RRM1: variants seen among roughly 807,000 people sequenced by gnomAD.
RRM1 encodes the protein ribonucleoside-diphosphate reductase large subunit.
RRM1 carries 19 observed loss-of-function variants against 101.5 expected under a neutral mutation model. The observed-to-expected ratio is 0.19, with a 90% CI of 0.13 to 0.27. RRM1 has a LOEUF of 0.27. Among genes scored for constraint, RRM1 ranks in the 10% least tolerant of loss-of-function variants. The pLI is 1.00. For missense variants in RRM1, 500 were observed against 962.9 expected (o/e 0.52, Z 6.36); for synonymous variants, 298 against 323.4 (o/e 0.92, Z 0.84).
In RRM1 at chr11:4,132,542, A is replaced by C; in HGVS notation, c.1905+121A>C. 1.2e-6 allele frequency: 1 copy of C among 823,030 alleles called. No homozygotes were observed. Among genetic ancestry groups the C allele is most frequent in the South Asian group, 1.7e-5 (1 of 57,362 alleles). 51.0% of individuals were successfully genotyped at this position (823,030 alleles called of 1,614,324 possible). The stretch of plus-strand genomic sequence containing the variant: ...TTTGGGTGCAAACTTTGATAAAGAC[A>C]GTCATCTTCATCTCTAATATTATTA... On this transcript the variant is annotated intron_variant, in intron 16 of 18. Coordinates refer to ENST00000300738, the MANE Select transcript of RRM1 (RefSeq NM_001033.5). This position sits in a 1 kb window ranked among gnomAD's most constrained non-coding sequence, Gnocchi z 4.1.
chr11:4,107,728 C>T lies in RRM1; in HGVS notation c.387+193C>T, dbSNP rs113712729. The stretch of plus-strand genomic sequence containing the variant: ...TTTTTCCAGAGCTATTTTGTACATA[C>T]GTGTGTGCATACATGTGTATGTGTG... On this transcript the variant is annotated intron_variant, in intron 4 of 18. Transcript: ENST00000300738. Among the ~76,000 whole-genome samples, 954 of 152,124 alleles carry T rather than the reference C, an allele frequency of 6.3e-3. 3 individuals are homozygous for T. Among genetic ancestry groups the T allele is most frequent in the African/African-American group, 0.022 (894 of 41,518 alleles).
At chr11:4,107,043 A>C (rs2094559232) in intron 3 of RRM1, among the ~76,000 whole-genome samples, 1 of 151,986 alleles carries the variant, frequency 6.6e-6, no homozygotes, top group African/African-American at 2.4e-5. Context: ...ACAGGCTCCC[A>C]TCACCACGCC....
intron 7 of RRM1, among the ~76,000 whole-genome samples, chr11:4,115,211 C>T (rs141801692): frequency 3.3e-5 from 5 of 151,988 alleles, no homozygotes; most frequent in Non-Finnish European, 7.4e-5. Context: ...AATGTCAGGT[C>T]GAAATTCCTG....
At chr11:4,094,754 G>C, upstream of RRM1, 1 of 575,042 alleles carries the variant, frequency 1.7e-6, no homozygotes. Context: ...CCTACCCCGG[G>C]CGTGGGCCGC....
At chr11:4,122,523 C>CT (rs2094583295) in intron 11 of RRM1, among the ~76,000 whole-genome samples, 1 of 152,070 alleles carries the variant, frequency 6.6e-6, no homozygotes, top group Non-Finnish European at 1.5e-5. Flanking sequence ...ATAAGCTATG[C>CT]TTTATGTTGC....
Position 4,123,282 on chromosome 11 carries a change from C to T in RRM1, c.1218C>T (p.Leu406=), listed in dbSNP as rs755614615. 1.9e-6 allele frequency: 3 copies of T among 1,614,114 alleles called. No individual in the cohort carries two copies. The highest frequency in any genetic ancestry group is 2.5e-6 in the Non-Finnish European group (3 of 1,179,998). ...CGGAAACAGGCACCCCGTATATGCTCTACAAAGATTCCTGTAATCGAAAGA... is the reference window on the plus strand; with the variant it reads ...CGGAAACAGGCACCCCGTATATGCTTTACAAAGATTCCTGTAATCGAAAGA... ...SQTETGTPYM[L]YKDSCNRKSN... Residue 406 remains leucine, a synonymous_variant, in exon 12 of 19, where the codon CTC becomes CTT. Coordinates refer to ENST00000300738, the MANE Select transcript of RRM1 (RefSeq NM_001033.5).
intron 3 of RRM1, among the ~76,000 whole-genome samples, chr11:4,107,136 C>T (rs1451869213): frequency 6.6e-6 from 1 of 152,222 alleles, no homozygotes; most frequent in East Asian, 1.9e-4. Context: ...TCGTGATCCA[C>T]CCGCCTCGGC....
intron 14 of RRM1, 45 bp downstream of exon 14, chr11:4,127,301 T>A (rs1222708577): frequency 1.6e-6 from 2 of 1,235,086 alleles, no homozygotes; most frequent in Non-Finnish European, 2.2e-6. Flanking sequence ...GTACCTGTAG[T>A]GGGCTGAATG....
intron 9 of RRM1, among the ~76,000 whole-genome samples, chr11:4,120,875 C>T (rs767957816): frequency 8.6e-5 from 13 of 151,988 alleles, no homozygotes; most frequent in Non-Finnish European, 1.3e-4. Flanking sequence ...AAAAATTAAC[C>T]GGGTGTGGTG....
intron 2 of RRM1, among the ~76,000 whole-genome samples, chr11:4,104,763 G>T (rs2094556166): frequency 6.6e-6 from 1 of 152,264 alleles, no homozygotes. Context: ...GGGGGCGGAG[G>T]TTGCACTTTG....
intron 2 of RRM1, 73 bp downstream of exon 2, chr11:4,102,154 C>A: frequency 1.3e-6 from 1 of 773,126 alleles, no homozygotes; most frequent in Non-Finnish European, 2.3e-6. Context: ...TATCCCTGGA[C>A]CTTCATTCAC....
At chr11:4,101,262 G>A (rs750325255) in intron 1 of RRM1, among the ~76,000 whole-genome samples, 1 of 151,678 alleles carries the variant, frequency 6.6e-6, no homozygotes, top group Non-Finnish European at 1.5e-5. Flanking sequence ...TGGGAGAGTT[G>A]GAGGTGAAAT....
intron 7 of RRM1, among the ~76,000 whole-genome samples, chr11:4,117,736 A>G (rs980844003): frequency 2.6e-5 from 4 of 152,330 alleles, no homozygotes; most frequent in African/African-American, 4.8e-5. Flanking sequence ...ATAAACACCT[A>G]GTCAATAGAT....
In RRM1 at chr11:4,123,200, G is replaced by A. The variant is rs772263282; in HGVS notation, c.1136G>A (p.Arg379His). Residue 379 changes from arginine to histidine, a missense_variant, in exon 12 of 19, where the codon CGT becomes CAT. This residue lies in a region of RRM1 where 80 missense variants were observed against 170.9 expected (regional missense o/e 0.47). Transcript: ENST00000300738. The stretch of plus-strand genomic sequence containing the variant: ...CCTTTCAGTTATGAGAAACAAGGTC[G>A]TGTCCGCAAAGTTGTAAAAGCTCAG... ...KLYASYEKQGRVRKVVKAQQL... is the reference protein window; with the variant it reads ...KLYASYEKQGHVRKVVKAQQL... 6.2e-7 allele frequency: 1 copy of A among 1,613,892 alleles called. No homozygotes were observed. The highest frequency in any genetic ancestry group is 8.5e-7 in the Non-Finnish European group (1 of 1,179,886).
At chr11:4,108,887 G>A (rs2094561840) in intron 4 of RRM1, among the ~76,000 whole-genome samples, 1 of 152,094 alleles carries the variant, frequency 6.6e-6, no homozygotes, top group African/African-American at 2.4e-5. Flanking sequence ...GCAAGCTTTC[G>A]TATAGGTTTT....
intron 7 of RRM1, among the ~76,000 whole-genome samples, chr11:4,113,409 T>G (rs139947101): frequency 6.6e-6 from 1 of 152,310 alleles, no homozygotes; most frequent in Non-Finnish European, 1.5e-5. Context: ...AACAAAACTG[T>G]AATGATTTGA....
intron 4 of RRM1, among the ~76,000 whole-genome samples, chr11:4,108,867 G>C (rs2094561800): frequency 1.3e-5 from 2 of 152,170 alleles, no homozygotes; most frequent in African/African-American, 4.8e-5. Context: ...AATTTTAAGA[G>C]AAAAGGAAAG....
chr11:4,135,325 T>G (rs2094607538), intron 18 of RRM1, 55 bp downstream of exon 18: 2 of 1,370,798 alleles, frequency 1.5e-6, no homozygotes, highest in South Asian at 2.9e-5. Flanking sequence ...ATTTTGGCAT[T>G]GGAATGATTT....
At chr11:4,125,586 C>G (rs2133313268) in intron 12 of RRM1, among the ~76,000 whole-genome samples, 1 of 152,282 alleles carries the variant, frequency 6.6e-6, no homozygotes, top group Middle Eastern at 3.4e-3. Flanking sequence ...ACATGTCAAC[C>G]ATGCTCCTAC....
Sources: allele counts gnomAD v4.1 joint callset (sites outside exome capture counted in the v4.1 genomes callset), GRCh38; gene constraint gnomAD v4.1.1; regional missense constraint gnomAD v4.1.1; non-coding constraint Gnocchi (gnomAD v3.1); transcripts MANE v1.5; gene names NCBI Gene and HGNC (gene_info 2026-07-23, HGNC 2026-07-21).